Variants in NCOA2 observed in about 807,000 individuals in gnomAD.
The protein encoded by NCOA2 is nuclear receptor coactivator 2, also known as class E basic helix-loop-helix protein 75.
In NCOA2, 21 loss-of-function variants were observed where a neutral mutation model predicts 145.1. That is an observed-to-expected ratio of 0.14 (90% CI 0.10 to 0.21). NCOA2 has a LOEUF of 0.21. Ranked by LOEUF, NCOA2 falls within the 10% of genes least tolerant of loss-of-function variation. The probability of loss-of-function intolerance (pLI) is 1.00; values close to 1 mark genes in which losing one functional copy is unlikely to be tolerated. For missense variants in NCOA2, 1,472 were observed against 1,837.6 expected (o/e 0.80, Z 3.64); for synonymous variants, 619 against 637.5 (o/e 0.97, Z 0.44).
At chr8:70,339,377 G>A (rs1245534892) in intron 1 of NCOA2, among the ~76,000 whole-genome samples, 2 of 151,924 alleles carry the variant, frequency 1.3e-5, no homozygotes, top group African/African-American at 4.8e-5. Flanking sequence ...GCTAACAAGG[G>A]AAGTGAAGGA....
In NCOA2 at chr8:70,213,031, T is replaced by C. The variant is rs557620175; in HGVS notation, c.259+872A>G. On this transcript the variant is annotated intron_variant, in intron 4 of 22. Coordinates refer to ENST00000452400, the MANE Select transcript of NCOA2 (RefSeq NM_006540.4). The stretch of plus-strand genomic sequence containing the variant: ...CCGAGGAGGCAGAGGTTGCAGTGAG[T>C]TGAGGATCACACCACTGCACCCCAG... Among the ~76,000 whole-genome samples, 66 of 147,642 alleles carry C rather than the reference T, an allele frequency of 4.5e-4. 3 individuals are homozygous for C. The South Asian group carries it at 0.01, about 23-fold the overall frequency.
intron 2 of NCOA2, among the ~76,000 whole-genome samples, chr8:70,259,020 G>C (rs559065183): frequency 3.2e-4 from 48 of 152,270 alleles, no homozygotes; most frequent in Non-Finnish European, 3.5e-4. Context: ...CTCATACTGT[G>C]TGCAGTATTC....
the NCOA2 span, among the ~76,000 whole-genome samples, chr8:70,445,498 GA>G: frequency 6.6e-6 from 1 of 152,136 alleles, no homozygotes; most frequent in African/African-American, 2.4e-5. Flanking sequence ...ATCTCACTGA[GA>G]AAAAAATACA....
the NCOA2 span, among the ~76,000 whole-genome samples, chr8:70,427,347 TATC>T: frequency 6.6e-6 from 1 of 152,250 alleles, no homozygotes; most frequent in South Asian, 2.1e-4. Flanking sequence ...AAGAGTAAGA[TATC>T]ATCAGGTAGA....
At chr8:70,368,331 A>G (rs891764944) in intron 1 of NCOA2, among the ~76,000 whole-genome samples, 1 of 152,330 alleles carries the variant, frequency 6.6e-6, no homozygotes, top group Non-Finnish European at 1.5e-5. Context: ...AAAATACACT[A>G]GGCTGGGACT....
At chr8:70,205,815 G>A (rs751544164) in intron 4 of NCOA2, among the ~76,000 whole-genome samples, 7 of 152,192 alleles carry the variant, frequency 4.6e-5, no homozygotes, top group Non-Finnish European at 1.0e-4. Flanking sequence ...CATAGACTCC[G>A]CTAGTAGTCA....
At chr8:70,412,647 CAA>C in the NCOA2 span, among the ~76,000 whole-genome samples, 42 of 48,284 alleles carry the variant, frequency 8.7e-4, no homozygotes, top group South Asian at 5.8e-3. Flanking sequence ...TACTTCGTCT[CAA>C]AAAAAAAAAA....
intron 2 of NCOA2, among the ~76,000 whole-genome samples, chr8:70,260,025 C>T (rs1236995171): frequency 6.6e-6 from 1 of 152,184 alleles, no homozygotes; most frequent in Non-Finnish European, 1.5e-5. Flanking sequence ...CTAACTCATC[C>T]CTTCCTGGTC....
At chr8:70,379,779 T>C (rs1812023807) in intron 1 of NCOA2, among the ~76,000 whole-genome samples, 1 of 152,096 alleles carries the variant, frequency 6.6e-6, no homozygotes, top group Non-Finnish European at 1.5e-5. Context: ...AACAGAGTCT[T>C]GTCCTTATCC....
Position 70,168,463 on chromosome 8 carries a change from C to T in NCOA2, c.542-1709G>A, listed in dbSNP as rs1813875367. Among the ~76,000 whole-genome samples, 6 of 152,240 alleles carry T rather than the reference C, an allele frequency of 3.9e-5. No individual in the cohort carries two copies. The South Asian group carries it at 1.2e-3, about 32-fold the overall frequency. On this transcript the variant is annotated intron_variant, in intron 6 of 22. Coordinates refer to ENST00000452400, the MANE Select transcript of NCOA2 (RefSeq NM_006540.4). ...CCTCTGGAGAAGCTGGGATTACAGG[C>T]ACGAGCCACCATGCCTGGCTAATGT...
intron 16 of NCOA2, among the ~76,000 whole-genome samples, chr8:70,129,440 T>C (rs1808830722): frequency 6.6e-6 from 1 of 152,178 alleles, no homozygotes; most frequent in Admixed American, 6.5e-5. Flanking sequence ...ATCCTGATTT[T>C]GTAGCTTAAA....
chr8:70,404,634 C>A (rs1436741480), upstream of NCOA2, among the ~76,000 whole-genome samples: 2 of 152,180 alleles, frequency 1.3e-5, no homozygotes, highest in African/African-American at 2.4e-5. Context: ...CCGGCAATTG[C>A]GGGATAAAGC....
At chr8:70,340,648 T>C (rs913757504) in intron 1 of NCOA2, among the ~76,000 whole-genome samples, 1 of 152,196 alleles carries the variant, frequency 6.6e-6, no homozygotes, top group Non-Finnish European at 1.5e-5. Flanking sequence ...TGTATGCATA[T>C]GTTCACTGCA....
chr8:70,144,791 G>A lies in NCOA2; in HGVS notation c.2663C>T (p.Pro888Leu), dbSNP rs773711622. Residue 888 changes from proline to leucine, a missense_variant, in exon 13 of 23, where the codon CCA becomes CTA. Pro to Leu is a moderately conservative substitution (Grantham distance 98). Coordinates refer to ENST00000452400, the MANE Select transcript of NCOA2 (RefSeq NM_006540.4). ...TGGGCTTTGCAATGTGATGTCAAGT[G>A]GTAAATTCTGGTTTGGCAATAACCT... ...LGRLLPNQNL[P>L]LDITLQSPTG... is the part of the protein sequence containing the mutation. 8.7e-6 allele frequency: 14 copies of A among 1,613,804 alleles called. No homozygotes were observed. The highest frequency in any genetic ancestry group is 1.2e-5 in the Non-Finnish European group (14 of 1,179,866).
At chr8:70,429,260 C>A in the NCOA2 span, among the ~76,000 whole-genome samples, 1 of 152,196 alleles carries the variant, frequency 6.6e-6, no homozygotes, top group African/African-American at 2.4e-5. Flanking sequence ...TGAGCACCAA[C>A]CTTCAAGATT....
chr8:70,321,900 G>A (rs1175955215), intron 1 of NCOA2, among the ~76,000 whole-genome samples: 10 of 148,832 alleles, frequency 6.7e-5, no homozygotes, highest in Admixed American at 2.7e-4. Context: ...AGGCCCAGGC[G>A]GGGGGATCAC....
intron 2 of NCOA2, among the ~76,000 whole-genome samples, chr8:70,248,430 A>G (rs1247664011): frequency 6.6e-6 from 1 of 152,138 alleles, no homozygotes; most frequent in East Asian, 1.9e-4. Context: ...TTCTGTTACC[A>G]CAGATTAGTT....
At chr8:70,366,242 T>C (rs944891773) in intron 1 of NCOA2, among the ~76,000 whole-genome samples, 4 of 151,934 alleles carry the variant, frequency 2.6e-5, no homozygotes, top group African/African-American at 7.3e-5. Context: ...AAAAATAGCA[T>C]CCCAAAAGTG....
chr8:70,331,861 C>T (rs140750372), intron 1 of NCOA2, among the ~76,000 whole-genome samples: 465 of 152,238 alleles, frequency 3.1e-3, no homozygotes, highest in Non-Finnish European at 5.5e-3. Context: ...CAGTTTTTCA[C>T]ATACATAGAC....
Sources: allele counts gnomAD v4.1 joint callset (sites outside exome capture counted in the v4.1 genomes callset), GRCh38; gene constraint gnomAD v4.1.1; transcripts MANE v1.5; gene names NCBI Gene and HGNC (gene_info 2026-07-23, HGNC 2026-07-21).